The following ANO4 variants were observed in gnomAD, a reference collection of about 807,000 sequenced individuals.
The protein encoded by ANO4 is anoctamin 4.
Under a neutral mutation model 141.9 loss-of-function variants are expected in ANO4, and 69 were observed. That is an observed-to-expected ratio of 0.49 (90% CI 0.40 to 0.59). The LOEUF is 0.59. Among genes scored for constraint, ANO4 ranks in the 20% least tolerant of loss-of-function variants. The pLI is 0.00. For synonymous variants in ANO4, 350 were observed against 394.3 expected (o/e 0.89, Z 1.33); for missense variants, 894 against 1,162.2 (o/e 0.77, Z 3.36).
chr12:100,952,048 C>A (rs572442153), intron 5 of ANO4, among the ~76,000 whole-genome samples: 1 of 152,204 alleles, frequency 6.6e-6, no homozygotes, highest in Admixed American at 6.5e-5. Context: ...ACCCTTGATC[C>A]AATATTATAT....
intron 26 of ANO4, among the ~76,000 whole-genome samples, chr12:101,124,412 T>C (rs1593331128): frequency 6.6e-6 from 1 of 152,230 alleles, no homozygotes; most frequent in African/African-American, 2.4e-5. Flanking sequence ...TCTCCCATTC[T>C]ATAGGTTACT....
intron 23 of ANO4, 104 bp downstream of exon 23, chr12:101,110,660 T>A: frequency 1.9e-6 from 2 of 1,045,182 alleles, no homozygotes; most frequent in South Asian, 3.1e-5. Flanking sequence ...TTCCATTTAA[T>A]ATAATTCACC....
upstream of ANO4, among the ~76,000 whole-genome samples, chr12:100,791,766 G>A (rs2034056153): frequency 6.6e-6 from 1 of 152,148 alleles, no homozygotes; most frequent in Admixed American, 6.5e-5. Flanking sequence ...TGCCACTTGG[G>A]TGAGCGTTTT....
intron 5 of ANO4, among the ~76,000 whole-genome samples, chr12:100,949,220 G>C (rs1306539015): frequency 6.6e-6 from 1 of 152,208 alleles, no homozygotes; most frequent in South Asian, 2.1e-4. Flanking sequence ...ACCCAGCTCA[G>C]CTGTGCCTGA....
intron 1 of ANO4, among the ~76,000 whole-genome samples, chr12:100,731,825 A>G (rs926146862): frequency 6.6e-6 from 1 of 152,206 alleles, no homozygotes. Flanking sequence ...ATGACCTGAT[A>G]GCTCATTTCA....
chr12:101,051,436 A>G (rs1187769899), intron 14 of ANO4, among the ~76,000 whole-genome samples: 2 of 152,238 alleles, frequency 1.3e-5, no homozygotes, highest in Non-Finnish European at 2.9e-5. Context: ...TTTGTCTTAG[A>G]TGACAACTTA....
At chr12:100,997,402 A>G (rs2045437817) in intron 8 of ANO4, among the ~76,000 whole-genome samples, 1 of 150,986 alleles carries the variant, frequency 6.6e-6, no homozygotes. Flanking sequence ...ACATAAATGG[A>G]GCCTAAATAC....
intron 1 of ANO4, among the ~76,000 whole-genome samples, chr12:100,892,432 C>A (rs1195714539): frequency 2.0e-5 from 3 of 152,242 alleles, no homozygotes; most frequent in African/African-American, 7.2e-5. Flanking sequence ...CTCACCCCCT[C>A]TTCCAAGGTC....
At chr12:101,103,227 A>ATATATATC (rs2050279242) in intron 22 of ANO4, among the ~76,000 whole-genome samples, 8 of 108,826 alleles carry the variant, frequency 7.4e-5, no homozygotes, top group African/African-American at 3.2e-4. Flanking sequence ...ATATATATAT[A>ATATATATC]TATCTTTTTG....
intron 3 of ANO4, among the ~76,000 whole-genome samples, chr12:100,741,257 C>A (rs192430035): frequency 1.3e-5 from 2 of 151,642 alleles, no homozygotes; most frequent in African/African-American, 4.8e-5. Flanking sequence ...GGAAATAAAT[C>A]TTTGAATGTT....
intron 3 of ANO4, among the ~76,000 whole-genome samples, chr12:100,743,968 T>C (rs2031985260): frequency 6.6e-6 from 1 of 152,186 alleles, no homozygotes; most frequent in Admixed American, 6.5e-5. Context: ...CCATCACCAC[T>C]ACCACCTCCG....
At chr12:100,749,615 A>G (rs923301844) in intron 3 of ANO4, among the ~76,000 whole-genome samples, 2 of 152,234 alleles carry the variant, frequency 1.3e-5, no homozygotes, top group South Asian at 4.1e-4. Context: ...GATTGGTGGC[A>G]AATGATGAAG....
chr12:100,741,722 G>T (rs1414969468), intron 3 of ANO4, among the ~76,000 whole-genome samples: 1 of 152,042 alleles, frequency 6.6e-6, no homozygotes, highest in African/African-American at 2.4e-5. Flanking sequence ...CACTATCTGG[G>T]GCTTGAAAAT....
chr12:100,948,726 TGTG>T (rs1173919970), intron 5 of ANO4, among the ~76,000 whole-genome samples: 1 of 152,174 alleles, frequency 6.6e-6, no homozygotes, highest in Non-Finnish European at 1.5e-5. Context: ...AGCTAGTCCT[TGTG>T]GTGGACAGAC....
chr12:100,745,387 T>C (rs1254215385), intron 3 of ANO4, among the ~76,000 whole-genome samples: 1 of 152,272 alleles, frequency 6.6e-6, no homozygotes, highest in Non-Finnish European at 1.5e-5. Flanking sequence ...TTAATTTTGC[T>C]CTTATTGTAC....
At chr12:101,056,078 A>G (rs2048105885) in intron 14 of ANO4, among the ~76,000 whole-genome samples, 1 of 152,184 alleles carries the variant, frequency 6.6e-6, no homozygotes, top group Admixed American at 6.5e-5. Context: ...AACTGTTAAA[A>G]TCATATTTTT....
chr12:101,031,968 G>A (rs973473403), intron 9 of ANO4, among the ~76,000 whole-genome samples: 9 of 152,094 alleles, frequency 5.9e-5, no homozygotes, highest in Admixed American at 5.9e-4. Context: ...CCATCCTCAT[G>A]GACAGGAAAA....
At chr12:101,112,737 A>C (rs2050709406) in intron 24 of ANO4, among the ~76,000 whole-genome samples, 1 of 152,216 alleles carries the variant, frequency 6.6e-6, no homozygotes, top group Non-Finnish European at 1.5e-5. Flanking sequence ...TTCATTATGA[A>C]TCCTACATAA....
At chr12:101,077,905 C>G (rs917259399) in intron 14 of ANO4, among the ~76,000 whole-genome samples, 2 of 151,976 alleles carry the variant, frequency 1.3e-5, no homozygotes, top group African/African-American at 4.8e-5. Flanking sequence ...TTTGCTTATC[C>G]GGAAATTAAG....
Sources: gnomAD v4.1 joint callset for allele counts (sites outside exome capture counted in the v4.1 genomes callset) on GRCh38, gnomAD v4.1.1 for gene constraint, MANE v1.5 for transcripts, NCBI Gene and HGNC (gene_info 2026-07-23, HGNC 2026-07-21) for gene names.